The following WDR7 variants were observed in gnomAD, a reference collection of about 807,000 sequenced individuals.
WDR7 encodes the protein WD repeat domain 7.
WDR7 carries 46 observed loss-of-function variants against 169.4 expected under a neutral mutation model. That is an observed-to-expected ratio of 0.27 (90% CI 0.21 to 0.35). WDR7 has a LOEUF of 0.35. WDR7 is among the 10% of genes least tolerant of loss of function. The pLI is 1.00. For synonymous variants in WDR7, 612 were observed against 666.8 expected (o/e 0.92, Z 1.27); for missense variants, 1,534 against 1,859.3 (o/e 0.83, Z 3.22).
At chr18:56,964,858 C>G (rs1394576235) in intron 26 of WDR7, among the ~76,000 whole-genome samples, 1 of 152,184 alleles carries the variant, frequency 6.6e-6, no homozygotes. Flanking sequence ...GGCTAAATCT[C>G]TAACATCAAT....
At chr18:56,828,645 G>A (rs774145540) in intron 20 of WDR7, among the ~76,000 whole-genome samples, 1 of 152,126 alleles carries the variant, frequency 6.6e-6, no homozygotes, top group Non-Finnish European at 1.5e-5. Flanking sequence ...TAGTCTTGCC[G>A]AGAAAGATAA....
At chr18:57,023,837 A>G (rs929669290) in intron 27 of WDR7, among the ~76,000 whole-genome samples, 5 of 152,226 alleles carry the variant, frequency 3.3e-5, no homozygotes, top group Non-Finnish European at 7.3e-5. Context: ...AAATGCTGAT[A>G]ATAAATTAGG....
Position 57,024,957 on chromosome 18 carries a change from G to A in WDR7, c.4270-2047G>A, listed in dbSNP as rs184761878. Among the ~76,000 whole-genome samples the A allele has an allele frequency of 9.4e-5, 14 of 149,720 alleles. 1 individual carries two copies. In the South Asian group the frequency reaches 1.3e-3, roughly 14 times the overall value. On this transcript the variant is annotated intron_variant, in intron 27 of 27. Coordinates refer to ENST00000254442, the MANE Select transcript of WDR7 (RefSeq NM_015285.3). ...CAAATCCCTATTCTCAGGCAGGAAGGCTATTTGACCTGACCAAAGGCATTT... is the reference window on the plus strand; with the variant it reads ...CAAATCCCTATTCTCAGGCAGGAAGACTATTTGACCTGACCAAAGGCATTT...
intron 20 of WDR7, among the ~76,000 whole-genome samples, chr18:56,842,361 A>G (rs2045499012): frequency 6.6e-6 from 1 of 152,100 alleles, no homozygotes; most frequent in East Asian, 1.9e-4. Context: ...TCCTTTTTTC[A>G]GGAACCAACT....
chr18:56,680,297 G>A (rs1313048360), intron 3 of WDR7, among the ~76,000 whole-genome samples: 1 of 152,164 alleles, frequency 6.6e-6, no homozygotes, highest in Non-Finnish European at 1.5e-5. Flanking sequence ...GATTGAGGCT[G>A]TTATGAGCTG....
chr18:56,959,869 G>C (rs1442429598), intron 25 of WDR7, among the ~76,000 whole-genome samples: 1 of 152,144 alleles, frequency 6.6e-6, no homozygotes, highest in Non-Finnish European at 1.5e-5. Flanking sequence ...ACCCTACATG[G>C]AGGACTGGCT....
chr18:56,960,780 A>T (rs927558530), intron 25 of WDR7, among the ~76,000 whole-genome samples: 1 of 152,180 alleles, frequency 6.6e-6, no homozygotes, highest in Admixed American at 6.5e-5. Context: ...AAGGTAGAGT[A>T]ATATTCTTTG....
At chr18:56,969,718 C>T (rs958600250) in intron 26 of WDR7, among the ~76,000 whole-genome samples, 1 of 152,110 alleles carries the variant, frequency 6.6e-6, no homozygotes, top group Non-Finnish European at 1.5e-5. Flanking sequence ...TTTTGCCTGC[C>T]CTTTGTATTA....
intron 14 of WDR7, among the ~76,000 whole-genome samples, chr18:56,749,356 G>T (rs1338133228): frequency 6.7e-6 from 1 of 149,674 alleles, no homozygotes; most frequent in African/African-American, 2.5e-5. Flanking sequence ...AAGACTCAAA[G>T]TATTAATATC....
rs143674934 is a variant in WDR7 at position 56,962,496 on chromosome 18, G to A, written c.4131G>A (p.Val1377=). ...RIAVGARHGS[V]ALYDIRTGKC... is the part of the protein sequence containing the mutation. ...CAGTTGGAGCTCGCCATGGTTCAGT[G>A]GCCCTGTACGACATCCGGACTGGAA... The change falls in exon 26 of 28, where the codon GTG becomes GTA. Residue 1377 remains valine, a synonymous_variant. Transcript: ENST00000254442. 5.6e-4 allele frequency: 908 copies of A among 1,612,820 alleles called. 1 individual carries two copies. Among genetic ancestry groups the A allele is most frequent in the Non-Finnish European group, 7.0e-4 (828 of 1,179,280 alleles).
intron 19 of WDR7, among the ~76,000 whole-genome samples, chr18:56,784,505 C>T (rs1345939579): frequency 1.3e-5 from 2 of 152,150 alleles, no homozygotes; most frequent in Non-Finnish European, 2.9e-5. Flanking sequence ...AATTTAGCTC[C>T]CACTTATAAG....
rs538587676 is a variant in WDR7, at chr18:56,915,382, A to G, written c.3527-8540A>G. Among the ~76,000 whole-genome samples the G allele has an allele frequency of 3.3e-5, 5 of 152,308 alleles. No homozygotes were observed. In the South Asian group the frequency reaches 1.0e-3, roughly 32 times the overall value. ...ATAAGTGGCCAATCATTATTAATTCATTTTGCACTCATTGTAATGGCATAA... is the reference window on the plus strand; with the variant it reads ...ATAAGTGGCCAATCATTATTAATTCGTTTTGCACTCATTGTAATGGCATAA... On this transcript the variant is annotated intron_variant, in intron 21 of 27. Transcript: ENST00000254442.
chr18:56,823,276 C>G (rs2045133136), intron 20 of WDR7, among the ~76,000 whole-genome samples: 1 of 152,086 alleles, frequency 6.6e-6, no homozygotes, highest in Admixed American at 6.6e-5. Context: ...TACCTAAATA[C>G]CAAGTGCAAA....
chr18:56,828,022 G>T (rs1599079467), intron 20 of WDR7, among the ~76,000 whole-genome samples: 5 of 152,224 alleles, frequency 3.3e-5, no homozygotes, highest in South Asian at 4.2e-4. Flanking sequence ...TAAGTGATTT[G>T]CTTTAATAAC....
At chr18:56,830,292 C>T (rs1054853176) in intron 20 of WDR7, among the ~76,000 whole-genome samples, 19 of 152,144 alleles carry the variant, frequency 1.2e-4, no homozygotes, top group African/African-American at 3.1e-4. Context: ...TCACCATACA[C>T]GGCACACAAT....
chr18:56,993,905 G>A (rs778947708), intron 26 of WDR7, among the ~76,000 whole-genome samples: 3 of 152,034 alleles, frequency 2.0e-5, no homozygotes, highest in Admixed American at 1.3e-4. Flanking sequence ...GAGACATAGT[G>A]TTCCTCACTA....
At position 56,936,015 on chromosome 18, in the gene WDR7, A is replaced by G. The variant is rs569892466; in HGVS notation, c.3831+110A>G. 1.2e-3 allele frequency: 1,174 copies of G among 1,005,158 alleles called. 1 individual carries two copies. The highest frequency in any genetic ancestry group is 1.5e-3 in the Non-Finnish European group (990 of 679,804). The allele number at this position is 1,005,158 out of a possible 1,614,324, so 62.3% of individuals were successfully genotyped here. A position where few individuals can be genotyped will look rare whatever the true frequency, so the allele number is the denominator to read the frequency against. ...CCCCTTTACAGTTTATTCTAGAACA[A>G]TGCAAGTTAATAATTTAGTACTGAA... On this transcript the variant is annotated intron_variant, in intron 23 of 27. Coordinates refer to ENST00000254442, the MANE Select transcript of WDR7 (RefSeq NM_015285.3).
Position 57,028,814 on chromosome 18 carries a change from T to A in WDR7, c.*1607T>A, listed in dbSNP as rs1265254083. ...ATTGACGGCAAATCTATACTGTTCC[T>A]TGGTTTTAGAGTTGGGTATTCTTTC... On this transcript the variant is annotated 3_prime_UTR_variant, in exon 28 of 28. Coordinates refer to ENST00000254442, the MANE Select transcript of WDR7 (RefSeq NM_015285.3). The A allele has an allele frequency of 6.5e-6, 1 of 152,680 alleles. No homozygotes were observed. The highest frequency in any genetic ancestry group is 1.5e-5 in the Non-Finnish European group (1 of 68,048). The allele number at this position is 152,680 out of a possible 1,614,324, so 9.5% of individuals were successfully genotyped here. A position where few individuals can be genotyped will look rare whatever the true frequency, so the allele number is the denominator to read the frequency against.
intron 26 of WDR7, among the ~76,000 whole-genome samples, chr18:56,995,899 A>G (rs1278066814): frequency 6.6e-6 from 1 of 152,038 alleles, no homozygotes; most frequent in Non-Finnish European, 1.5e-5. Context: ...GTGAAGAGCT[A>G]TTTTGTCCAT....
Sources: gnomAD v4.1 joint callset for allele counts (sites outside exome capture counted in the v4.1 genomes callset) on GRCh38, gnomAD v4.1.1 for gene constraint, MANE v1.5 for transcripts, NCBI Gene and HGNC (gene_info 2026-07-23, HGNC 2026-07-21) for gene names.